The following KAZN variants were observed in gnomAD, a reference collection of about 807,000 sequenced individuals.
KAZN encodes the protein kazrin, periplakin interacting protein, also known as kazrin.
In KAZN, 40 loss-of-function variants were observed where a neutral mutation model predicts 87.4. That is an observed-to-expected ratio of 0.46 (90% CI 0.36 to 0.60). The LOEUF (loss-of-function observed/expected upper bound fraction) is 0.60, where lower values mean the gene tolerates loss of function less well. Ranked by LOEUF, KAZN falls within the 20% of genes least tolerant of loss-of-function variation. KAZN has a pLI of 0.00. For synonymous variants in KAZN, 466 were observed against 458.3 expected (o/e 1.02, Z -0.22); for missense variants, 898 against 1,073.9 (o/e 0.84, Z 2.29).
At chr1:14,261,656 G>C (rs1317921675) in intron 2 of KAZN, among the ~76,000 whole-genome samples, 1 of 152,152 alleles carries the variant, frequency 6.6e-6, no homozygotes, top group Non-Finnish European at 1.5e-5. Flanking sequence ...AGGTGCTGAG[G>C]AACTGTGAGG....
At chr1:14,505,925 G>A (rs1194147883) in intron 2 of KAZN, among the ~76,000 whole-genome samples, 2 of 152,098 alleles carry the variant, frequency 1.3e-5, no homozygotes, top group East Asian at 3.9e-4. Flanking sequence ...AGTGAGCTGA[G>A]ATGATGCCAC....
intron 2 of KAZN, among the ~76,000 whole-genome samples, chr1:14,284,483 T>C (rs1367078373): frequency 6.6e-6 from 1 of 151,864 alleles, no homozygotes; most frequent in African/African-American, 2.4e-5. Context: ...GGCTGAAACC[T>C]AGAAAGGGAT....
In KAZN at chr1:14,526,041, G is replaced by A. The variant is rs367737416; in HGVS notation, c.250-72942G>A. Among the ~76,000 whole-genome samples, 110 of 152,246 alleles carry A rather than the reference G, an allele frequency of 7.2e-4. 2 individuals carry two copies. In the South Asian group the frequency reaches 0.022, roughly 30 times the overall value. On this transcript the variant is annotated intron_variant, in intron 2 of 16. Transcript: ENST00000636203. ...ATGGATCTCCGCTACCAGCATTGTC[G>A]TCATTATGACTAAGTGTACTACTTC...
At chr1:14,469,232 G>A (rs988056101) in intron 2 of KAZN, among the ~76,000 whole-genome samples, 5 of 152,104 alleles carry the variant, frequency 3.3e-5, no homozygotes, top group African/African-American at 1.2e-4. Context: ...AAAAAAATCT[G>A]CTATATTCCC....
intron 1 of KAZN, among the ~76,000 whole-genome samples, chr1:14,898,002 A>G (rs1489496887): frequency 6.6e-6 from 1 of 152,224 alleles, no homozygotes; most frequent in Non-Finnish European, 1.5e-5. Flanking sequence ...AAGGATAATA[A>G]TTGCTTCCAC....
chr1:14,325,768 C>T (rs1042737367), intron 2 of KAZN, among the ~76,000 whole-genome samples: 1 of 152,178 alleles, frequency 6.6e-6, no homozygotes, highest in Admixed American at 6.5e-5. Context: ...GAAAAATGAG[C>T]AAAGCCTAAA....
At chr1:14,113,733 C>T (rs1644548877) in intron 1 of KAZN, among the ~76,000 whole-genome samples, 1 of 152,216 alleles carries the variant, frequency 6.6e-6, no homozygotes, top group Non-Finnish European at 1.5e-5. Flanking sequence ...GTCCAAGCTC[C>T]ATGACCTTGG....
intron 2 of KAZN, among the ~76,000 whole-genome samples, chr1:14,530,332 G>A (rs1485303327): frequency 6.6e-6 from 1 of 152,206 alleles, no homozygotes; most frequent in Non-Finnish European, 1.5e-5. Flanking sequence ...GAGGGTGTAG[G>A]TTTTATCCGT....
intron 1 of KAZN, among the ~76,000 whole-genome samples, chr1:13,969,780 C>A (rs940320392): frequency 6.6e-6 from 1 of 152,074 alleles, no homozygotes; most frequent in African/African-American, 2.4e-5. Flanking sequence ...GGATGTGTGC[C>A]CAGCACACAC....
intron 1 of KAZN, among the ~76,000 whole-genome samples, chr1:14,679,521 G>A (rs1398921878): frequency 6.6e-6 from 1 of 152,048 alleles, no homozygotes; most frequent in Non-Finnish European, 1.5e-5. Flanking sequence ...GCAAAGGTGC[G>A]TTCACAGGCA....
At chr1:14,419,941 C>T (rs1462575142) in intron 2 of KAZN, among the ~76,000 whole-genome samples, 1 of 152,132 alleles carries the variant, frequency 6.6e-6, no homozygotes, top group Non-Finnish European at 1.5e-5. Flanking sequence ...AACAAAACTT[C>T]CACAAGGTGG....
intron 1 of KAZN, among the ~76,000 whole-genome samples, chr1:14,935,482 C>T (rs1027340862): frequency 1.3e-5 from 2 of 152,078 alleles, no homozygotes; most frequent in African/African-American, 4.8e-5. Flanking sequence ...GCAACATCAG[C>T]AGTGCCCGAG....
rs1440323822 is a variant in KAZN at position 14,735,671 on chromosome 1, C to T, written c.226+136448C>T. On this transcript the variant is annotated intron_variant, in intron 1 of 14. Transcript: ENST00000376030. This position sits in a 1 kb window ranked among gnomAD's most constrained non-coding sequence, Gnocchi z 4.3. The stretch of plus-strand genomic sequence containing the variant: ...AGCAGGAGACACACAAGCTACTTAC[C>T]GGCCAGTTTCCATTACTCTCCCGAC... Among the ~76,000 whole-genome samples, 2 of 152,194 alleles carry T rather than the reference C, an allele frequency of 1.3e-5. No individual in the cohort carries two copies. The highest frequency in any genetic ancestry group is 1.9e-4 in the East Asian group (1 of 5,188).
At chr1:14,198,196 C>T (rs1441519736) in intron 2 of KAZN, among the ~76,000 whole-genome samples, 3 of 152,082 alleles carry the variant, frequency 2.0e-5, no homozygotes, top group Non-Finnish European at 4.4e-5. Flanking sequence ...AATTTTATTC[C>T]AAGAGCAATA....
upstream of KAZN, among the ~76,000 whole-genome samples, chr1:14,597,166 A>C (rs978383447): frequency 1.3e-5 from 2 of 152,320 alleles, no homozygotes; most frequent in Admixed American, 1.3e-4. Context: ...TGGTTGGTCC[A>C]GTTGGTAAGA....
chr1:14,578,761 G>T (rs140184148), intron 2 of KAZN, among the ~76,000 whole-genome samples: 162 of 152,188 alleles, frequency 1.1e-3, no homozygotes, highest in African/African-American at 3.8e-3. Flanking sequence ...AAAATATACT[G>T]ATATTAATAT....
intron 2 of KAZN, among the ~76,000 whole-genome samples, chr1:14,476,922 C>T (rs1260662101): frequency 9.2e-5 from 14 of 152,340 alleles, no homozygotes; most frequent in Admixed American, 2.0e-4. Context: ...CTTTGCACCT[C>T]ATGTTCCCTC....
At chr1:14,736,299 G>GTGTGTGTGTA (rs1214411509) in intron 1 of KAZN, among the ~76,000 whole-genome samples, 82 of 121,104 alleles carry the variant, frequency 6.8e-4, no homozygotes, top group African/African-American at 2.0e-3. Flanking sequence ...GTGTGTGTGT[G>GTGTGTGTGTA]TATATTTTTT....
chr1:15,101,487 T>G, intron 10 of KAZN, 56 bp from the exon 11 acceptor site: 2 of 1,253,132 alleles, frequency 1.6e-6, no homozygotes, highest in Non-Finnish European at 2.3e-6. Flanking sequence ...TGCCCGTCCG[T>G]CTGTTTCTGC....
Sources: gnomAD v4.1 joint callset for allele counts (sites outside exome capture counted in the v4.1 genomes callset) on GRCh38, gnomAD v4.1.1 for gene constraint, Gnocchi (gnomAD v3.1) non-coding constraint, MANE v1.5 for transcripts, NCBI Gene and HGNC (gene_info 2026-07-23, HGNC 2026-07-21) for gene names.